Variants in GLS observed in about 807,000 individuals in gnomAD.
GLS encodes the protein glutaminase kidney isoform, mitochondrial.
In GLS, 36 loss-of-function variants were observed where a neutral mutation model predicts 86.7. The observed-to-expected ratio is 0.42, with a 90% confidence interval of 0.32 to 0.55. GLS has a LOEUF of 0.55. GLS is among the 20% of genes least tolerant of loss of function. The pLI is 0.17. For missense variants in GLS, 528 were observed against 833.4 expected (o/e 0.63, Z 4.51); for synonymous variants, 317 against 305.9 (o/e 1.04, Z -0.38).
chr2:190,917,633 A>T (rs1689581944), intron 7 of GLS, among the ~76,000 whole-genome samples: 2 of 152,218 alleles, frequency 1.3e-5, no homozygotes, highest in Admixed American at 1.3e-4. Flanking sequence ...TTTCTTAAAT[A>T]GTAAGACTTG....
At chr2:190,944,053 C>T (rs1159913470) in intron 14 of GLS, among the ~76,000 whole-genome samples, 2 of 152,146 alleles carry the variant, frequency 1.3e-5, no homozygotes, top group East Asian at 1.9e-4. Context: ...AACCATAATT[C>T]TTCCTGTATG....
chr2:190,934,710 A>G (rs1449505691), intron 14 of GLS: 1 of 974,016 alleles, frequency 1.0e-6, no homozygotes, highest in Non-Finnish European at 1.2e-6. Flanking sequence ...ATAGCTGTAT[A>G]GATTTCAAAA....
chr2:190,928,479 C>T (rs530811268), intron 12 of GLS, among the ~76,000 whole-genome samples: 4 of 151,262 alleles, frequency 2.6e-5, no homozygotes, highest in South Asian at 2.1e-4. Context: ...GGATTACAGG[C>T]GCCTGCCACT....
rs768903785 is a variant in GLS at position 190,881,331 on chromosome 2, C to G, written c.247C>G (p.Leu83Val). The change falls in exon 1 of 18, where the codon CTG becomes GTG. Residue 83 changes from leucine (L) to valine (V), a missense_variant. This residue lies in a region of GLS where 224 missense variants were observed against 187.9 expected (regional missense o/e 1.19). Coordinates refer to ENST00000320717, the MANE Select transcript of GLS (RefSeq NM_014905.5). ...CTCTCCTTCGGAGATCTTGCAGGAG[C>G]TGGGCAAGGGGAGCACGCATCCGCA... ...SSSPSEILQE[L>V]GKGSTHPQPG... 2 of 1,525,872 alleles carry G rather than the reference C, an allele frequency of 1.3e-6. No individual in the cohort carries two copies. The highest frequency in any genetic ancestry group is 2.4e-5 in the South Asian group (2 of 82,624). 94.5% of individuals were successfully genotyped at this position (1,525,872 alleles called of 1,614,324 possible).
At chr2:190,948,498 C>G (rs1396924923) in intron 14 of GLS, among the ~76,000 whole-genome samples, 4 of 152,176 alleles carry the variant, frequency 2.6e-5, no homozygotes, top group Non-Finnish European at 4.4e-5. Context: ...ATAATAAAAT[C>G]TCTTCAAACG....
At chr2:190,944,119 AC>A (rs1225018441) in intron 14 of GLS, among the ~76,000 whole-genome samples, 3 of 151,942 alleles carry the variant, frequency 2.0e-5, no homozygotes, top group African/African-American at 7.2e-5. Flanking sequence ...ATTTTCAGGG[AC>A]CTTGTTTGTA....
At position 190,956,595 on chromosome 2, in the gene GLS, G is replaced by T. The variant is rs1196858168; in HGVS notation, c.1853+1777G>T. 6.6e-6 allele frequency among the ~76,000 whole-genome samples: 1 copy of T among 151,994 alleles called. No homozygotes were observed. The highest frequency in any genetic ancestry group is 1.5e-5 in the Non-Finnish European group (1 of 68,002). ...GTCTTGGCTATGTGGGCTCTTTTTT[G>T]GTTATATATGAAATTTAAGGTATTT... On this transcript the variant is annotated intron_variant, in intron 17 of 17. Coordinates refer to ENST00000320717, the MANE Select transcript of GLS (RefSeq NM_014905.5). The surrounding 1 kb of genome is among the most constrained non-coding windows in gnomAD (Gnocchi z 4.2).
intron 6 of GLS, among the ~76,000 whole-genome samples, chr2:190,907,620 A>T (rs1399979344): frequency 6.7e-6 from 1 of 149,994 alleles, no homozygotes; most frequent in African/African-American, 2.4e-5. Flanking sequence ...GATATTTTTT[A>T]TCATTATAAG....
chr2:190,891,029 G>C (rs1315338279), intron 1 of GLS, among the ~76,000 whole-genome samples: 2 of 26,470 alleles, frequency 7.6e-5, no homozygotes, highest in Non-Finnish European at 2.4e-4. Flanking sequence ...TTCTTAGTAA[G>C]GATTTTTTTT....
intron 7 of GLS, 110 bp downstream of exon 7, chr2:190,910,431 T>C (rs543035682): frequency 1.7e-6 from 1 of 597,278 alleles, no homozygotes; most frequent in African/African-American, 1.9e-5. Flanking sequence ...AATTTTCTCT[T>C]GGTGTTAAGA....
Position 190,962,152 on chromosome 2 carries a change from G to A in GLS, c.1854-678G>A, listed in dbSNP as rs1691019351. Reference sequence around the variant, plus strand: ...CAACTCTTCATTTCTTCTTATCCTTGAATATTCATCTACATCACTCTAAAC... The same window carrying A: ...CAACTCTTCATTTCTTCTTATCCTTAAATATTCATCTACATCACTCTAAAC... On this transcript the variant is annotated intron_variant, in intron 17 of 17. Coordinates refer to ENST00000320717, the MANE Select transcript of GLS (RefSeq NM_014905.5). The surrounding 1 kb of genome is among the most constrained non-coding windows in gnomAD (Gnocchi z 4.2). Among the ~76,000 whole-genome samples, 1 of 152,122 alleles carries A rather than the reference G, an allele frequency of 6.6e-6. No homozygotes were observed. The highest frequency in any genetic ancestry group is 2.1e-4 in the South Asian group (1 of 4,822).
In GLS at chr2:190,953,603, T is replaced by C. The variant is rs1574621457; in HGVS notation, c.1689T>C (p.Thr563=). 1.2e-6 allele frequency: 2 copies of C among 1,609,428 alleles called. No individual in the cohort carries two copies. The highest frequency in any genetic ancestry group is 1.7e-5 in the Admixed American group (1 of 59,982). The change falls in exon 15 of 18, where the codon ACT becomes ACC. Residue 563 remains threonine, a synonymous_variant. Transcript: ENST00000320717. This position sits in a 1 kb window ranked among gnomAD's most constrained non-coding sequence, Gnocchi z 4.0. ...TAAATCTTTTGTTTGCTGCATATAC[T>C]GGAGATGTGTCTGCACTTCGAAGGT... The part of the protein sequence containing the change: ...SVINLLFAAY[T]GDVSALRRFA...
At chr2:190,927,214 A>G (rs1689926409) in intron 11 of GLS, 92 bp from the exon 12 acceptor site, 2 of 941,860 alleles carry the variant, frequency 2.1e-6, no homozygotes, top group Non-Finnish European at 1.5e-6. Context: ...AATATTTCAG[A>G]TCTGTATGAA....
At position 190,918,798 on chromosome 2, in the gene GLS, G is replaced by A. The variant is rs1347623700; in HGVS notation, c.1039-2226G>A. 2.0e-5 allele frequency among the ~76,000 whole-genome samples: 3 copies of A among 152,210 alleles called. No individual in the cohort carries two copies. In the East Asian group the frequency reaches 5.8e-4, roughly 29 times the overall value. On this transcript the variant is annotated intron_variant, in intron 7 of 17. Coordinates refer to ENST00000320717, the MANE Select transcript of GLS (RefSeq NM_014905.5). ...ACTTGAACATTTAGAGGCCATAGTA[G>A]GGTTATTAATTGGCCTGTTTTCAAT...
chr2:190,902,431 C>T (rs1688978160), intron 5 of GLS, among the ~76,000 whole-genome samples: 1 of 152,126 alleles, frequency 6.6e-6, no homozygotes, highest in Non-Finnish European at 1.5e-5. Flanking sequence ...ATAAAATTAG[C>T]ATGAGAATTA....
rs527829946 is a variant in GLS, at chr2:190,949,484, G to A, written c.1651-4081G>A. ...TGAGGCAGGCAGATCGCTTGAGGTC[G>A]GGAGTTTGGGACCAGCCTGGCCAAC... On this transcript the variant is annotated intron_variant, in intron 14 of 17. Coordinates refer to ENST00000320717, the MANE Select transcript of GLS (RefSeq NM_014905.5). The surrounding 1 kb of genome is among the most constrained non-coding windows in gnomAD (Gnocchi z 4.0). Among the ~76,000 whole-genome samples the A allele has an allele frequency of 6.6e-6, 1 of 152,122 alleles. No homozygotes were observed. Among genetic ancestry groups the A allele is most frequent in the African/African-American group, 2.4e-5 (1 of 41,488 alleles).
In GLS at chr2:190,905,365, GAGAACATGAACTT is replaced by G; in HGVS notation, c.979+199_979+211del. ...TCATACCACTGGGAAGTGGGCTAGG[GAGAACATGAACTT>G]CTCTCTTCATAACCACCTTTAGGGA... On this transcript the variant is annotated intron_variant, in intron 6 of 17. Transcript: ENST00000320717. This position sits in a 1 kb window ranked among gnomAD's most constrained non-coding sequence, Gnocchi z 4.6. The G allele has an allele frequency of 2.2e-6, 1 of 455,588 alleles. No individual in the cohort carries two copies. Among genetic ancestry groups the G allele is most frequent in the Non-Finnish European group, 3.9e-6 (1 of 256,880 alleles). 28.2% of individuals were successfully genotyped at this position (455,588 alleles called of 1,614,324 possible).
chr2:190,961,610 G>A (rs1287785641), intron 17 of GLS, among the ~76,000 whole-genome samples: 1 of 151,510 alleles, frequency 6.6e-6, no homozygotes, highest in Non-Finnish European at 1.5e-5. Flanking sequence ...ACATACTGTA[G>A]AGGATGACTC....
At chr2:190,896,024 A>G (rs1433171128) in intron 3 of GLS, 2 of 176,384 alleles carry the variant, frequency 1.1e-5, no homozygotes, top group African/African-American at 4.7e-5. Flanking sequence ...CATTGCTTAT[A>G]TTGATCCCCA....
Sources: gnomAD v4.1 joint callset for allele counts (sites outside exome capture counted in the v4.1 genomes callset) on GRCh38, gnomAD v4.1.1 for gene constraint, gnomAD v4.1.1 regional missense constraint, Gnocchi (gnomAD v3.1) non-coding constraint, MANE v1.5 for transcripts, NCBI Gene and HGNC (gene_info 2026-07-23, HGNC 2026-07-21) for gene names.